Variants in NFILZ observed in about 807,000 individuals in gnomAD.
NFILZ encodes NFIL3 like protein.
rs1020034065 is a variant in NFILZ at position 8,677,157 on chromosome 19, C to T, written c.392C>T (p.Ser131Phe). Residue 131 changes from serine to phenylalanine, a missense_variant, in exon 6 of 6, where the codon TCC becomes TTC. Transcript: ENST00000691075. Reference sequence around the variant, plus strand: ...CGGCCTGGGGCTGAAGCACTCTCATCCTTGTCTGGCTCTCACAGCTGCCTC... The same window carrying T: ...CGGCCTGGGGCTGAAGCACTCTCATTCTTGTCTGGCTCTCACAGCTGCCTC... ...DPRPGAEALS[S>F]LSGSHSCLLR... 10 of 152,572 alleles carry T rather than the reference C, an allele frequency of 6.6e-5. No individual in the cohort carries two copies. Among genetic ancestry groups the T allele is most frequent in the African/African-American group, 2.2e-4 (9 of 41,480 alleles). 9.5% of individuals were successfully genotyped at this position (152,572 alleles called of 1,614,324 possible).
chr19:8,652,969 CTCCT>C lies in NFILZ; in HGVS notation c.-164+17265_-164+17268del, dbSNP rs1207071930. On this transcript the variant is annotated intron_variant, in intron 3 of 5. Transcript: ENST00000691075. ...CTCTCTCTTTCTTTCCCTTCCTTCC[CTCCT>C]TCCTTCCTTCCTTCCTTCCTTCCTT... Among the ~76,000 whole-genome samples, 173 of 113,998 alleles carry C rather than the reference CTCCT, an allele frequency of 1.5e-3. 5 individuals carry two copies. The highest frequency in any genetic ancestry group is 4.9e-3 in the African/African-American group (134 of 27,286). 74.8% of individuals were successfully genotyped at this position (113,998 alleles called of 152,430 possible). A position where few individuals can be genotyped will look rare whatever the true frequency, so the allele number is the denominator to read the frequency against.
intron 3 of NFILZ, among the ~76,000 whole-genome samples, chr19:8,657,219 G>C (rs1298827902): frequency 6.6e-6 from 1 of 151,342 alleles, no homozygotes; most frequent in Non-Finnish European, 1.5e-5. Context: ...ATCTCGGCTC[G>C]GCTCAGCCTC....
chr19:8,654,419 A>G (rs561037900), intron 3 of NFILZ, among the ~76,000 whole-genome samples: 1 of 151,762 alleles, frequency 6.6e-6, no homozygotes, highest in South Asian at 2.1e-4. Flanking sequence ...GGAGTTCGAG[A>G]CCAGCCTGGG....
chr19:8,646,247 G>C (rs1304426513), intron 3 of NFILZ, among the ~76,000 whole-genome samples: 1 of 152,140 alleles, frequency 6.6e-6, no homozygotes, highest in East Asian at 1.9e-4. Context: ...ATGTTGGCCA[G>C]GCTAGTCTCG....
intron 3 of NFILZ, among the ~76,000 whole-genome samples, chr19:8,651,441 C>T (rs182991472): frequency 5.9e-4 from 89 of 151,974 alleles, no homozygotes; most frequent in African/African-American, 2.0e-3. Flanking sequence ...GGATTACCGG[C>T]GTGAGCCACT....
intron 3 of NFILZ, among the ~76,000 whole-genome samples, chr19:8,658,303 G>A (rs2146157695): frequency 6.6e-6 from 1 of 152,174 alleles, no homozygotes; most frequent in East Asian, 1.9e-4. Context: ...CTACAGCTGG[G>A]GTTCTCCACC....
chr19:8,663,734 G>GTA (rs2043045453), intron 3 of NFILZ, among the ~76,000 whole-genome samples: 42 of 110,642 alleles, frequency 3.8e-4, no homozygotes, highest in African/African-American at 1.0e-3. Flanking sequence ...GTGTGTGTGT[G>GTA]TGTGTGTGTG....
At chr19:8,640,443 G>A (rs1555746564) in intron 3 of NFILZ, among the ~76,000 whole-genome samples, 2 of 151,574 alleles carry the variant, frequency 1.3e-5, no homozygotes, top group Non-Finnish European at 1.5e-5. Flanking sequence ...CGTGATGACC[G>A]GCTTGGAGTT....
At chr19:8,662,374 T>C (rs1296835450) in intron 3 of NFILZ, among the ~76,000 whole-genome samples, 2 of 151,640 alleles carry the variant, frequency 1.3e-5, no homozygotes, top group African/African-American at 4.9e-5. Context: ...GAGGTGACAT[T>C]GGAGGAGAAA....
At chr19:8,668,778 T>G (rs1471851052) in intron 3 of NFILZ, among the ~76,000 whole-genome samples, 1 of 152,176 alleles carries the variant, frequency 6.6e-6, no homozygotes, top group Non-Finnish European at 1.5e-5. Flanking sequence ...CCACCATTTC[T>G]CAGTGTCTGG....
At chr19:8,637,891 G>C (rs2042901598) in intron 3 of NFILZ, among the ~76,000 whole-genome samples, 1 of 44,994 alleles carries the variant, frequency 2.2e-5, no homozygotes, top group South Asian at 7.2e-4. Context: ...TGGGCGACAA[G>C]AGCAAGACTA....
At chr19:8,666,212 G>C (rs1241664526) in intron 3 of NFILZ, among the ~76,000 whole-genome samples, 1 of 151,974 alleles carries the variant, frequency 6.6e-6, no homozygotes, top group Non-Finnish European at 1.5e-5. Context: ...GATATGCTGA[G>C]TATCTTCTTC....
intron 3 of NFILZ, among the ~76,000 whole-genome samples, chr19:8,639,615 AG>A (rs1175225914): frequency 1.3e-5 from 2 of 151,004 alleles, no homozygotes; most frequent in African/African-American, 4.9e-5. Context: ...AAAAAAAAAA[AG>A]ATTTGCAGAA....
At position 8,672,334 on chromosome 19, in the gene NFILZ, C is replaced by CA. The variant is rs1328968584; in HGVS notation, c.-163-2210dup. On this transcript the variant is annotated intron_variant, in intron 3 of 5. Transcript: ENST00000691075. ...AAATCCATGCACTTATTTGTTCATTCAAAAAAACCACACATTTATTAGTTC... is the reference window on the plus strand; with the variant it reads ...AAATCCATGCACTTATTTGTTCATTCAAAAAAAACCACACATTTATTAGTTC... 9.6e-4 allele frequency among the ~76,000 whole-genome samples: 146 copies of CA among 151,358 alleles called. 1 individual carries two copies. Among genetic ancestry groups the CA allele is most frequent in the African/African-American group, 3.3e-3 (135 of 41,200 alleles).
intron 3 of NFILZ, among the ~76,000 whole-genome samples, chr19:8,656,371 TCC>T (rs1341189200): frequency 7.2e-6 from 1 of 138,100 alleles, no homozygotes; most frequent in Non-Finnish European, 1.6e-5. Context: ...GCCCACCTTC[TCC>T]CTGAAGCCCA....
At chr19:8,632,905 T>C (rs536288445) in intron 2 of NFILZ, among the ~76,000 whole-genome samples, 3 of 151,592 alleles carry the variant, frequency 2.0e-5, no homozygotes, top group African/African-American at 7.3e-5. Context: ...GTATTTTTAG[T>C]AGAGACAGGG....
intron 3 of NFILZ, among the ~76,000 whole-genome samples, chr19:8,666,157 G>T (rs570219169): frequency 1.0e-3 from 155 of 152,060 alleles, no homozygotes; most frequent in Non-Finnish European, 1.3e-3. Flanking sequence ...AAGAGGGTTG[G>T]CAAACCACAG....
intron 3 of NFILZ, among the ~76,000 whole-genome samples, chr19:8,657,093 G>T (rs1429828216): frequency 1.3e-5 from 2 of 151,952 alleles, no homozygotes; most frequent in Non-Finnish European, 2.9e-5. Context: ...GGGTGGTTTT[G>T]TGGAGGGGGG....
chr19:8,648,365 A>G (rs2967721), intron 3 of NFILZ, among the ~76,000 whole-genome samples: 18,094 of 152,036 alleles, frequency 0.12, 1,100 homozygotes, highest in Middle Eastern at 0.22. Context: ...GCTAGTGTTT[A>G]ATGGGTATGC....
Sources: allele counts gnomAD v4.1 joint callset (sites outside exome capture counted in the v4.1 genomes callset), GRCh38; gene constraint gnomAD v4.1.1; transcripts MANE v1.5; gene names NCBI Gene and HGNC (gene_info 2026-07-23, HGNC 2026-07-21).